The following TYW1B variants were observed in gnomAD, a reference collection of about 807,000 sequenced individuals.
TYW1B encodes the protein tRNA-yW synthesizing protein 1 homolog B, also known as S-adenosyl-L-methionine-dependent tRNA 4-demethylwyosine synthase TYW1B.
TYW1B carries 73 observed loss-of-function variants against 86.9 expected under a neutral mutation model. That is an observed-to-expected ratio of 0.84 (90% confidence interval 0.70 to 1.02). TYW1B has a LOEUF of 1.02. TYW1B is among the 50% of genes least tolerant of loss of function. The pLI is 0.00. For synonymous variants in TYW1B, 248 were observed against 292.8 expected (o/e 0.85, Z 1.56); for missense variants, 637 against 827.4 (o/e 0.77, Z 2.82).
chr7:72,600,694 AC>A (rs1811643721), intron 13 of TYW1B, among the ~76,000 whole-genome samples: 1 of 151,882 alleles, frequency 6.6e-6, no homozygotes, highest in African/African-American at 2.4e-5. Context: ...ACAAAATGAA[AC>A]CCTGTCTCAA....
At chr7:72,601,492 T>C (rs1811665418) in intron 13 of TYW1B, among the ~76,000 whole-genome samples, 1 of 152,142 alleles carries the variant, frequency 6.6e-6, no homozygotes, top group Admixed American at 6.6e-5. Context: ...TCCTACCATA[T>C]GATCCAGCAA....
At chr7:72,759,281 G>A (rs558893049) in intron 7 of TYW1B, among the ~76,000 whole-genome samples, 12 of 152,246 alleles carry the variant, frequency 7.9e-5, no homozygotes, top group Admixed American at 6.5e-4. Flanking sequence ...GCTGCAGTGA[G>A]GTGAGATTGC....
intron 6 of TYW1B, among the ~76,000 whole-genome samples, chr7:72,794,309 A>G (rs1385586973): frequency 2.0e-5 from 3 of 152,068 alleles, no homozygotes; most frequent in Admixed American, 6.6e-5. Context: ...GAATCCCAAC[A>G]CTTTGGGAGG....
At position 72,777,301 on chromosome 7, in the gene TYW1B, T is replaced by TA. The variant is rs375280584; in HGVS notation, c.964+114dup. On this transcript the variant is annotated intron_variant, in intron 7 of 13. Transcript: ENST00000620995. ...GTAAGAAGGTAAATCTTTAGACTGT[T>TA]ATATCTGCCACTATGAACAGCTGCT... The TA allele has an allele frequency of 3.0e-5, 37 of 1,250,414 alleles. No homozygotes were observed. In the African/African-American group the frequency reaches 5.3e-4, roughly 18 times the overall value. 77.5% of individuals were successfully genotyped at this position (1,250,414 alleles called of 1,614,324 possible).
At chr7:72,598,418 C>A (rs1554433081) in intron 13 of TYW1B, among the ~76,000 whole-genome samples, 1 of 151,950 alleles carries the variant, frequency 6.6e-6, no homozygotes, top group African/African-American at 2.4e-5. Flanking sequence ...AGAACCCTGA[C>A]TAATACACAT....
At chr7:72,768,384 T>C (rs1473023126) in intron 7 of TYW1B, among the ~76,000 whole-genome samples, 2 of 152,114 alleles carry the variant, frequency 1.3e-5, no homozygotes, top group African/African-American at 4.8e-5. Flanking sequence ...CATTGAAGTT[T>C]GGGGACAATA....
At chr7:72,670,884 G>A (rs1554446251) in intron 11 of TYW1B, among the ~76,000 whole-genome samples, 1 of 152,152 alleles carries the variant, frequency 6.6e-6, no homozygotes, top group African/African-American at 2.4e-5. Flanking sequence ...AGAATATTTA[G>A]GGAAAATAAA....
intron 13 of TYW1B, among the ~76,000 whole-genome samples, chr7:72,605,196 A>T (rs1554434572): frequency 6.6e-6 from 1 of 152,226 alleles, no homozygotes; most frequent in African/African-American, 2.4e-5. Flanking sequence ...TATTCCAGGT[A>T]TGAATAGGGT....
intron 11 of TYW1B, among the ~76,000 whole-genome samples, chr7:72,694,309 C>G (rs1554450973): frequency 6.6e-6 from 1 of 152,116 alleles, no homozygotes; most frequent in Non-Finnish European, 1.5e-5. Context: ...GATTTTGGTA[C>G]CCATGGGGAG....
chr7:72,585,825 T>C (rs1441152002), intron 13 of TYW1B, among the ~76,000 whole-genome samples: 1 of 152,178 alleles, frequency 6.6e-6, no homozygotes, highest in Non-Finnish European at 1.5e-5. Context: ...CTCAGGTATG[T>C]CTTTATCAGC....
At chr7:72,772,131 G>A (rs576400942) in intron 7 of TYW1B, among the ~76,000 whole-genome samples, 6 of 151,658 alleles carry the variant, frequency 4.0e-5, no homozygotes, top group Admixed American at 1.3e-4. Context: ...TTACAAGCGT[G>A]AGCCACCACA....
At chr7:72,663,198 G>A (rs1554444714) in intron 11 of TYW1B, among the ~76,000 whole-genome samples, 3 of 151,756 alleles carry the variant, frequency 2.0e-5, no homozygotes, top group Admixed American at 2.0e-4. Context: ...GGGTTGTGGG[G>A]GGGTTGGCGG....
Position 72,671,179 on chromosome 7 carries a change from A to T in TYW1B, c.1506+23508T>A, listed in dbSNP as rs531359063. Among the ~76,000 whole-genome samples the T allele has an allele frequency of 9.2e-3, 1,394 of 152,252 alleles. 26 individuals carry two copies. Among genetic ancestry groups the T allele is most frequent in the African/African-American group, 0.032 (1,325 of 41,522 alleles). On this transcript the variant is annotated intron_variant, in intron 11 of 13. Coordinates refer to ENST00000620995, the MANE Select transcript of TYW1B (RefSeq NM_001145440.3). ...CAGAAAAATAACCTACAAAATAGAA[A>T]ATACTAGCTTTCTAGGTTATTATTC...
chr7:72,821,479 C>T (rs1788826547), intron 2 of TYW1B, among the ~76,000 whole-genome samples: 1 of 152,188 alleles, frequency 6.6e-6, no homozygotes, highest in Non-Finnish European at 1.5e-5. Context: ...TCATTTTTTC[C>T]CTTAAAAATC....
chr7:72,632,070 G>C (rs1356158898), intron 11 of TYW1B, among the ~76,000 whole-genome samples: 1 of 151,386 alleles, frequency 6.6e-6, no homozygotes, highest in Non-Finnish European at 1.5e-5. Flanking sequence ...GCCAAGATGG[G>C]AGGATTACTT....
At chr7:72,650,710 C>T (rs1813037097) in intron 11 of TYW1B, among the ~76,000 whole-genome samples, 1 of 152,088 alleles carries the variant, frequency 6.6e-6, no homozygotes, top group Non-Finnish European at 1.5e-5. Context: ...AGCACACATG[C>T]ATGCAAAAAT....
intron 12 of TYW1B, among the ~76,000 whole-genome samples, chr7:72,627,500 CATA>C (rs1812376335): frequency 1.3e-5 from 2 of 148,648 alleles, no homozygotes; most frequent in African/African-American, 5.1e-5. Context: ...CATAACATAA[CATA>C]ACATAACATA....
At chr7:72,711,782 C>G (rs1185315177) in intron 10 of TYW1B, among the ~76,000 whole-genome samples, 1 of 151,798 alleles carries the variant, frequency 6.6e-6, no homozygotes, top group Non-Finnish European at 1.5e-5. Context: ...TCACTGCGCC[C>G]TGCCCCTTTA....
In TYW1B at chr7:72,775,709, G is replaced by A. The variant is rs114136373; in HGVS notation, c.964+1707C>T. On this transcript the variant is annotated intron_variant, in intron 7 of 13. Coordinates refer to ENST00000620995, the MANE Select transcript of TYW1B (RefSeq NM_001145440.3). ...AGATCTTCAAAAAGTCCTTGGAGTC[G>A]CCACAGGTAAGTTTAAATTAGAAAA... Among the ~76,000 whole-genome samples, 1,009 of 151,076 alleles carry A rather than the reference G, an allele frequency of 6.7e-3. 10 individuals carry two copies. Among genetic ancestry groups the A allele is most frequent in the African/African-American group, 0.023 (947 of 41,180 alleles).
Sources: gnomAD v4.1 joint callset for allele counts (sites outside exome capture counted in the v4.1 genomes callset) on GRCh38, gnomAD v4.1.1 for gene constraint, MANE v1.5 for transcripts, NCBI Gene and HGNC (gene_info 2026-07-23, HGNC 2026-07-21) for gene names.